Variants in PDE4D observed in about 807,000 individuals in gnomAD.
PDE4D encodes 3',5'-cyclic-AMP phosphodiesterase 4D.
A neutral mutation model predicts 87.4 loss-of-function variants in PDE4D; 24 were observed. The observed-to-expected ratio is 0.27, with a 90% CI of 0.20 to 0.39. PDE4D has a LOEUF of 0.39. Among genes scored for constraint, PDE4D ranks in the 10% least tolerant of loss-of-function variants. The pLI, the probability that PDE4D is intolerant of heterozygous loss-of-function variation, is 1.00. For missense variants in PDE4D, 714 were observed against 1,041.0 expected (o/e 0.69, Z 4.32); for synonymous variants, 384 against 383.2 (o/e 1.00, Z -0.02).
intron 2 of PDE4D, among the ~76,000 whole-genome samples, chr5:60,045,194 C>A (rs998370926): frequency 8.6e-5 from 13 of 151,618 alleles, no homozygotes; most frequent in African/African-American, 3.2e-4. Context: ...TGTCCACCCA[C>A]TTTTTGATGG....
At chr5:60,314,648 C>G (rs1755380314) in intron 1 of PDE4D, among the ~76,000 whole-genome samples, 1 of 152,166 alleles carries the variant, frequency 6.6e-6, no homozygotes, top group East Asian at 1.9e-4. Context: ...ACCCCCACCC[C>G]ACAACAGGCC....
At chr5:59,212,712 C>G (rs6867240) in intron 2 of PDE4D, among the ~76,000 whole-genome samples, 20,922 of 151,992 alleles carry the variant, frequency 0.14, 2,400 homozygotes, top group African/African-American at 0.31. Flanking sequence ...GAACACATAA[C>G]TACATAAATG....
chr5:59,264,132 G>A (rs1371974899), intron 1 of PDE4D, among the ~76,000 whole-genome samples: 1 of 151,870 alleles, frequency 6.6e-6, no homozygotes, highest in Non-Finnish European at 1.5e-5. Flanking sequence ...GTTATGATGA[G>A]ATCATCAAGG....
chr5:59,445,008 A>G (rs1798151294), intron 1 of PDE4D, among the ~76,000 whole-genome samples: 1 of 152,144 alleles, frequency 6.6e-6, no homozygotes, highest in Non-Finnish European at 1.5e-5. Flanking sequence ...GAAAAAGTAA[A>G]TCTGCTACCA....
At chr5:59,108,979 G>C (rs1015677077) in intron 5 of PDE4D, among the ~76,000 whole-genome samples, 3 of 150,876 alleles carry the variant, frequency 2.0e-5, no homozygotes, top group Non-Finnish European at 4.4e-5. Context: ...GTGTGTGTGT[G>C]TGTGTGTGTG....
chr5:60,227,884 C>CCCATTTT (rs2149614860), intron 1 of PDE4D, among the ~76,000 whole-genome samples: 1 of 152,158 alleles, frequency 6.6e-6, no homozygotes, highest in East Asian at 1.9e-4. Context: ...TGCTCTGGCT[C>CCCATTTT]CCATTTTTTC....
At chr5:60,316,865 G>C (rs1316056562) in intron 1 of PDE4D, among the ~76,000 whole-genome samples, 2 of 152,126 alleles carry the variant, frequency 1.3e-5, no homozygotes, top group Admixed American at 1.3e-4. Flanking sequence ...ATAAGCTTTT[G>C]ATGTGCTGCT....
intron 1 of PDE4D, among the ~76,000 whole-genome samples, chr5:59,859,410 AAGG>A (rs1173775031): frequency 6.6e-6 from 1 of 152,182 alleles, no homozygotes; most frequent in African/African-American, 2.4e-5. Flanking sequence ...TTCTCCTGAC[AAGG>A]AGTTCTTAGG....
intron 1 of PDE4D, among the ~76,000 whole-genome samples, chr5:60,387,534 G>C (rs1278950137): frequency 6.6e-6 from 1 of 152,202 alleles, no homozygotes; most frequent in Non-Finnish European, 1.5e-5. Flanking sequence ...ATGTAACATG[G>C]GTGACAGGGG....
At chr5:59,325,346 C>T (rs1423783181) in intron 1 of PDE4D, among the ~76,000 whole-genome samples, 1 of 152,152 alleles carries the variant, frequency 6.6e-6, no homozygotes, top group Admixed American at 6.6e-5. Context: ...TTGAACAATG[C>T]AGTAGTATCT....
intron 2 of PDE4D, among the ~76,000 whole-genome samples, chr5:60,040,554 T>A (rs1768359631): frequency 6.6e-6 from 1 of 152,308 alleles, no homozygotes; most frequent in Admixed American, 6.5e-5. Flanking sequence ...CAACCATTAC[T>A]CAGAAATGCA....
At chr5:59,424,109 G>A (rs1794872135) in intron 1 of PDE4D, among the ~76,000 whole-genome samples, 1 of 152,120 alleles carries the variant, frequency 6.6e-6, no homozygotes, top group African/African-American at 2.4e-5. Flanking sequence ...GGACTTCCAG[G>A]TCTGGGCCAT....
chr5:60,123,626 A>G (rs931259150), intron 2 of PDE4D, among the ~76,000 whole-genome samples: 7 of 152,054 alleles, frequency 4.6e-5, no homozygotes, highest in African/African-American at 1.7e-4. Context: ...TTGGGTGGGG[A>G]CACAGAGCCA....
exon 3 of PDE4D, chr5:59,988,549 G>T: frequency 6.3e-7 from 1 of 1,599,358 alleles, no homozygotes. Context: ...AGGCTGGTTG[G>T]TCGTTGAATG....
intron 1 of PDE4D, among the ~76,000 whole-genome samples, chr5:59,472,148 T>C (rs1802545206): frequency 6.6e-6 from 1 of 152,154 alleles, no homozygotes; most frequent in African/African-American, 2.4e-5. Flanking sequence ...TTTATTAAAG[T>C]CAAATGAAGC....
At chr5:60,206,831 T>G (rs1220024482) in intron 1 of PDE4D, among the ~76,000 whole-genome samples, 1 of 152,166 alleles carries the variant, frequency 6.6e-6, no homozygotes, top group African/African-American at 2.4e-5. Flanking sequence ...GGCGGGAAAG[T>G]ATAAGACATA....
At chr5:59,129,898 G>A (rs913933411) in intron 5 of PDE4D, among the ~76,000 whole-genome samples, 2 of 152,112 alleles carry the variant, frequency 1.3e-5, no homozygotes, top group East Asian at 1.9e-4. Flanking sequence ...GTTATTGAAA[G>A]GGTTAGAGAT....
Position 59,215,885 on chromosome 5 carries a change from G to A in PDE4D, c.539C>T (p.Ala180Val). 1 of 1,613,554 alleles carries A rather than the reference G, an allele frequency of 6.2e-7. No homozygotes were observed. Among genetic ancestry groups the A allele is most frequent in the Non-Finnish European group, 8.5e-7 (1 of 1,179,590 alleles). Residue 180 changes from alanine (A) to valine (V), a missense_variant, in exon 2 of 15, where the codon GCA becomes GTA. Physicochemically the swap from Ala to Val is moderately conservative, Grantham distance 64. This residue lies in a region of PDE4D where 268 missense variants were observed against 272.9 expected (regional missense o/e 0.98). Coordinates refer to ENST00000340635, the MANE Select transcript of PDE4D (RefSeq NM_001104631.2). ...TSPGSGLILQ[A>V]NFVHSQRRES... ...CCGTCGTTGACTGTGGACAAAATTTGCTTGGAGAATTAGCCCGGATCCTGG... is the reference window on the plus strand; with the variant it reads ...CCGTCGTTGACTGTGGACAAAATTTACTTGGAGAATTAGCCCGGATCCTGG...
chr5:60,518,774 T>A (rs1453536142), intron 1 of PDE4D, among the ~76,000 whole-genome samples: 1 of 152,186 alleles, frequency 6.6e-6, no homozygotes, highest in Non-Finnish European at 1.5e-5. Flanking sequence ...TAGGGGCTCA[T>A]CAGGACACTA....
Sources: gnomAD v4.1 joint callset for allele counts (sites outside exome capture counted in the v4.1 genomes callset) on GRCh38, gnomAD v4.1.1 for gene constraint, gnomAD v4.1.1 regional missense constraint, MANE v1.5 for transcripts, NCBI Gene and HGNC (gene_info 2026-07-23, HGNC 2026-07-21) for gene names.